Variants in RALGPS1 observed in about 807,000 individuals in gnomAD.
RALGPS1 encodes the protein Ral GEF with PH domain and SH3 binding motif 1.
Under a neutral mutation model 78.8 loss-of-function variants are expected in RALGPS1, and 19 were observed. The observed-to-expected ratio is 0.24, with a 90% CI of 0.17 to 0.35. The LOEUF is 0.35. Among genes scored for constraint, RALGPS1 ranks in the 10% least tolerant of loss-of-function variants. The pLI is 1.00. For synonymous variants in RALGPS1, 228 were observed against 256.3 expected (o/e 0.89, Z 1.06); for missense variants, 454 against 688.3 (o/e 0.66, Z 3.81).
intron 14 of RALGPS1, among the ~76,000 whole-genome samples, chr9:127,200,116 T>C (rs535985806): frequency 5.8e-4 from 88 of 152,278 alleles, no homozygotes; most frequent in Middle Eastern, 6.8e-3. Flanking sequence ...GCATGTACCC[T>C]CTCACACATT....
intron 8 of RALGPS1, among the ~76,000 whole-genome samples, chr9:127,150,054 T>C (rs571136621): frequency 2.0e-5 from 3 of 152,202 alleles, no homozygotes; most frequent in Non-Finnish European, 2.9e-5. Flanking sequence ...CAGTGTCAGC[T>C]CTGCCACACA....
chr9:127,102,104 G>A (rs551801361), intron 8 of RALGPS1, among the ~76,000 whole-genome samples: 3 of 152,176 alleles, frequency 2.0e-5, no homozygotes, highest in African/African-American at 7.2e-5. Context: ...CCCATCAAGA[G>A]GTCTCTGCTG....
chr9:127,068,621 T>G (rs1332503013), intron 7 of RALGPS1, among the ~76,000 whole-genome samples: 3 of 152,168 alleles, frequency 2.0e-5, no homozygotes, highest in Admixed American at 2.0e-4. Flanking sequence ...ACCCTAAAAT[T>G]GGTGCTTAGC....
intron 8 of RALGPS1, among the ~76,000 whole-genome samples, chr9:127,102,205 A>G (rs1481249829): frequency 1.3e-5 from 2 of 152,234 alleles, no homozygotes; most frequent in Non-Finnish European, 2.9e-5. Context: ...TTCTGCTGCT[A>G]TAACAGAATA....
At chr9:127,006,993 T>G (rs2043897584) in intron 4 of RALGPS1, among the ~76,000 whole-genome samples, 1 of 152,100 alleles carries the variant, frequency 6.6e-6, no homozygotes. Flanking sequence ...TGAAAAGATT[T>G]TTAAAATTTA....
intron 8 of RALGPS1, among the ~76,000 whole-genome samples, chr9:127,096,987 C>G (rs561232203): frequency 2.1e-4 from 32 of 152,300 alleles, no homozygotes; most frequent in African/African-American, 7.0e-4. Context: ...TGTATGCACC[C>G]AGGGGGTGTG....
chr9:127,179,808 C>T (rs544720197), intron 11 of RALGPS1, among the ~76,000 whole-genome samples: 13 of 152,310 alleles, frequency 8.5e-5, no homozygotes, highest in African/African-American at 2.6e-4. Context: ...GCAGCGCCCA[C>T]GCCTCTACCC....
chr9:126,970,627 GTGTGTA>G (rs1051738367), intron 3 of RALGPS1, among the ~76,000 whole-genome samples: 2 of 136,046 alleles, frequency 1.5e-5, no homozygotes, highest in Non-Finnish European at 3.4e-5. Context: ...GTGTGTGTGT[GTGTGTA>G]TGTGTGTGAG....
intron 8 of RALGPS1, among the ~76,000 whole-genome samples, chr9:127,074,609 G>A (rs1013148484): frequency 2.6e-5 from 4 of 152,214 alleles, no homozygotes; most frequent in Non-Finnish European, 4.4e-5. Flanking sequence ...CTCTTTTCTC[G>A]AATAAGGATG....
chr9:127,168,971 C>T (rs977651433), intron 10 of RALGPS1, among the ~76,000 whole-genome samples, 199 bp downstream of exon 10: 9 of 152,244 alleles, frequency 5.9e-5, no homozygotes, highest in Non-Finnish European at 1.2e-4. Context: ...CTCACAGCCC[C>T]GCAGTGGTGA....
chr9:127,087,357 T>C (rs1396622834), intron 8 of RALGPS1: 9 of 152,296 alleles, frequency 5.9e-5, no homozygotes, highest in African/African-American at 1.9e-4. Flanking sequence ...ATAGCACTGA[T>C]GGCTTTTATT....
intron 1 of RALGPS1, among the ~76,000 whole-genome samples, chr9:126,927,818 AG>A (rs2035439368): frequency 6.6e-6 from 1 of 152,218 alleles, no homozygotes; most frequent in East Asian, 1.9e-4. Flanking sequence ...GTCCTAGGAA[AG>A]GCAGCTGATC....
chr9:127,165,949 T>G, intron 8 of RALGPS1, 120 bp from the exon 9 acceptor site: 1 of 1,367,866 alleles, frequency 7.3e-7, no homozygotes, highest in South Asian at 1.7e-5. Flanking sequence ...AGTCCAAATA[T>G]TATCTCAGTT....
At chr9:127,097,646 C>G (rs564900042) in intron 8 of RALGPS1, among the ~76,000 whole-genome samples, 1 of 152,316 alleles carries the variant, frequency 6.6e-6, no homozygotes, top group South Asian at 2.1e-4. Context: ...ATAGCAGAGA[C>G]AAAACATCCT....
intron 1 of RALGPS1, among the ~76,000 whole-genome samples, chr9:126,926,521 A>C (rs998668805): frequency 1.3e-5 from 2 of 152,072 alleles, no homozygotes; most frequent in Non-Finnish European, 2.9e-5. Flanking sequence ...CTGGAGTGTG[A>C]GATTTATGGT....
chr9:126,972,545 C>G (rs2040216835), intron 3 of RALGPS1, among the ~76,000 whole-genome samples: 1 of 152,284 alleles, frequency 6.6e-6, no homozygotes, highest in Non-Finnish European at 1.5e-5. Flanking sequence ...CATTGTGTGC[C>G]TCCTGATGAA....
chr9:127,203,470 C>T lies in RALGPS1; in HGVS notation c.1247+4404C>T, dbSNP rs1044415494. ...ACCTGTCTCTGTGGAAGGGCCTTCT[C>T]GTGTGAGGCACAGGCTGTAATACAG... On this transcript the variant is annotated intron_variant, in intron 14 of 18. Coordinates refer to ENST00000259351, the MANE Select transcript of RALGPS1 (RefSeq NM_014636.3). Among the ~76,000 whole-genome samples the T allele has an allele frequency of 5.3e-5, 8 of 152,212 alleles. No individual in the cohort carries two copies. The South Asian group carries it at 8.3e-4, about 16-fold the overall frequency.
In RALGPS1 at chr9:127,215,234, T is replaced by G. The variant is rs2062508324; in HGVS notation, c.1644+392T>G. On this transcript the variant is annotated intron_variant, in intron 18 of 18. Transcript: ENST00000259351. ...AAGGGCCTCCCTGCCCCACAACCCT[T>G]GGGAATAATGCGGCTAGCTAACTTA... Among the ~76,000 whole-genome samples, 4 of 152,092 alleles carry G rather than the reference T, an allele frequency of 2.6e-5. 1 individual carries two copies. In the South Asian group the frequency reaches 8.3e-4, roughly 32 times the overall value.
chr9:127,102,792 A>G (rs1041112272), intron 8 of RALGPS1, among the ~76,000 whole-genome samples: 1 of 152,370 alleles, frequency 6.6e-6, no homozygotes, highest in East Asian at 1.9e-4. Flanking sequence ...AGAAGCTAGC[A>G]AAGAGTGCTC....
Sources: allele counts gnomAD v4.1 joint callset (sites outside exome capture counted in the v4.1 genomes callset), GRCh38; gene constraint gnomAD v4.1.1; transcripts MANE v1.5; gene names NCBI Gene and HGNC (gene_info 2026-07-23, HGNC 2026-07-21).